Variants in BMPER observed in about 807,000 individuals in gnomAD.
BMPER encodes BMP binding endothelial regulator, also known as BMP-binding endothelial regulator protein.
Under a neutral mutation model 87.3 loss-of-function variants are expected in BMPER, and 45 were observed. The ratio of observed to expected loss-of-function variants is 0.52; its 90% confidence interval spans 0.41 to 0.66. BMPER has a LOEUF of 0.66. Among genes scored for constraint, BMPER ranks in the 30% least tolerant of loss-of-function variants. The pLI is 0.00. For missense variants in BMPER, 784 were observed against 867.5 expected, an observed-to-expected ratio of 0.90 and a Z score of 1.21; for synonymous variants, 326 against 316.2, an observed-to-expected ratio of 1.03 and a Z score of -0.33.
At chr7:33,954,372 G>A (rs189383484) in intron 3 of BMPER, among the ~76,000 whole-genome samples, 31 of 152,300 alleles carry the variant, frequency 2.0e-4, no homozygotes, top group African/African-American at 5.8e-4. Flanking sequence ...AGCCACTGGC[G>A]TCTAATGTTA....
At chr7:34,066,024 G>A (rs1262683869) in intron 11 of BMPER, among the ~76,000 whole-genome samples, 2 of 152,154 alleles carry the variant, frequency 1.3e-5, no homozygotes, top group Non-Finnish European at 2.9e-5. Context: ...AGCAGTAGTG[G>A]CATTACATTG....
intron 14 of BMPER, among the ~76,000 whole-genome samples, chr7:34,146,760 A>G (rs1384730241): frequency 6.6e-6 from 1 of 152,216 alleles, no homozygotes; most frequent in African/African-American, 2.4e-5. Flanking sequence ...CCCCGTCCTT[A>G]ATCATTATGA....
At chr7:33,975,066 A>G (rs1306024632) in intron 6 of BMPER, among the ~76,000 whole-genome samples, 1 of 152,138 alleles carries the variant, frequency 6.6e-6, no homozygotes, top group Non-Finnish European at 1.5e-5. Context: ...CCCTCCAGCT[A>G]TATCACCACC....
chr7:34,089,545 G>A (rs534093357), intron 13 of BMPER, among the ~76,000 whole-genome samples: 52 of 152,054 alleles, frequency 3.4e-4, no homozygotes, highest in Admixed American at 2.9e-3. Context: ...GTGCAGTGGC[G>A]CAATCTCGGC....
intron 11 of BMPER, among the ~76,000 whole-genome samples, chr7:34,070,816 C>CTTTT (rs60588204): frequency 0.02 from 2,327 of 119,262 alleles, 34 homozygotes; most frequent in South Asian, 0.046. Flanking sequence ...AGCGGCAGAG[C>CTTTT]TTTTTTTTTT....
intron 13 of BMPER, among the ~76,000 whole-genome samples, chr7:34,141,408 G>A (rs1410821160): frequency 1.3e-5 from 2 of 152,000 alleles, no homozygotes; most frequent in East Asian, 3.9e-4. Context: ...TCAGGAGTTC[G>A]AGACCAGCCT....
intron 5 of BMPER, 35 bp downstream of exon 5, chr7:33,970,454 T>G: frequency 7.5e-6 from 12 of 1,591,764 alleles, no homozygotes; most frequent in African/African-American, 1.3e-5. Flanking sequence ...TGGAAATCTC[T>G]GTGTGTTCTT....
At chr7:33,970,738 G>C (rs1311758295) in intron 5 of BMPER, among the ~76,000 whole-genome samples, 1 of 152,118 alleles carries the variant, frequency 6.6e-6, no homozygotes, top group African/African-American at 2.4e-5. Flanking sequence ...TCTTTTTACT[G>C]CTTCATATTG....
At chr7:34,150,235 A>G (rs1238036591) in intron 14 of BMPER, among the ~76,000 whole-genome samples, 1 of 152,196 alleles carries the variant, frequency 6.6e-6, no homozygotes, top group Non-Finnish European at 1.5e-5. Context: ...CTCAGTTGCT[A>G]AAAAGGAATG....
intron 6 of BMPER, among the ~76,000 whole-genome samples, chr7:34,033,785 T>C (rs1189304923): frequency 1.3e-5 from 2 of 152,228 alleles, no homozygotes; most frequent in Non-Finnish European, 2.9e-5. Context: ...CCTCCACTTG[T>C]CTTCCGTTAT....
chr7:33,912,540 G>C (rs977548293), intron 2 of BMPER, among the ~76,000 whole-genome samples: 1 of 152,190 alleles, frequency 6.6e-6, no homozygotes. Context: ...CAAATAGGGG[G>C]AGGGCAGTAG....
At chr7:33,971,133 T>TC (rs1416560665) in intron 5 of BMPER, among the ~76,000 whole-genome samples, 1 of 152,018 alleles carries the variant, frequency 6.6e-6, no homozygotes, top group Non-Finnish European at 1.5e-5. Context: ...TTTTTTTTTT[T>TC]CTGAGTGCTT....
chr7:34,108,460 C>A (rs1012032366), intron 13 of BMPER, among the ~76,000 whole-genome samples: 8 of 152,330 alleles, frequency 5.3e-5, no homozygotes, highest in African/African-American at 1.9e-4. Flanking sequence ...ACTGTCCTCT[C>A]TTGGTCACCA....
chr7:33,911,286 G>A (rs551947439), intron 2 of BMPER, among the ~76,000 whole-genome samples: 21 of 152,306 alleles, frequency 1.4e-4, no homozygotes, highest in South Asian at 2.1e-4. Context: ...AGTTATTCTC[G>A]TCCATGCTTT....
chr7:34,153,326 G>A lies in BMPER; in HGVS notation c.*53G>A, dbSNP rs572862909. 296 of 1,599,700 alleles carry A rather than the reference G, an allele frequency of 1.9e-4. 1 individual carries two copies. Among genetic ancestry groups the A allele is most frequent in the East Asian group, 7.4e-4 (33 of 44,790 alleles). ...AATCTGGTGACTTTGACACTGAAGC[G>A]GAAGAGCCAATGAAGGACTGCAGTA... is the stretch of plus-strand genomic sequence containing the variant. On this transcript the variant is annotated 3_prime_UTR_variant, in exon 15 of 15. Coordinates refer to ENST00000649409, the MANE Select transcript of BMPER (RefSeq NM_001365308.1).
chr7:34,001,211 T>C (rs1264359474), intron 6 of BMPER, among the ~76,000 whole-genome samples: 1 of 151,954 alleles, frequency 6.6e-6, no homozygotes, highest in Non-Finnish European at 1.5e-5. Context: ...TGTTCTCTAC[T>C]CTTATTTTTT....
intron 6 of BMPER, among the ~76,000 whole-genome samples, chr7:33,999,105 A>C (rs1786506601): frequency 6.6e-6 from 1 of 152,260 alleles, no homozygotes; most frequent in Admixed American, 6.5e-5. Context: ...GGTGCTTCGC[A>C]CCATTCTCTT....
chr7:34,138,226 G>A (rs1021902205), intron 13 of BMPER, among the ~76,000 whole-genome samples: 8 of 152,154 alleles, frequency 5.3e-5, no homozygotes, highest in African/African-American at 1.4e-4. Context: ...AGTTTGATGC[G>A]GGAAAATAGT....
At chr7:34,060,503 G>A (rs546129940) in intron 10 of BMPER, among the ~76,000 whole-genome samples, 1 of 152,344 alleles carries the variant, frequency 6.6e-6, no homozygotes, top group African/African-American at 2.4e-5. Flanking sequence ...ACTATGGGAT[G>A]ACTGGCTGGG....
Sources: allele counts gnomAD v4.1 joint callset (sites outside exome capture counted in the v4.1 genomes callset), GRCh38; gene constraint gnomAD v4.1.1; transcripts MANE v1.5; gene names NCBI Gene and HGNC (gene_info 2026-07-23, HGNC 2026-07-21).